Variants in PTPRT observed in about 807,000 individuals in gnomAD.
PTPRT encodes the protein receptor-type tyrosine-protein phosphatase T.
PTPRT carries 56 observed loss-of-function variants against 176.8 expected under a neutral mutation model. The ratio of observed to expected loss-of-function variants is 0.32; its 90% CI spans 0.26 to 0.40. The LOEUF (loss-of-function observed/expected upper bound fraction) is 0.40, where lower values mean the gene tolerates loss of function less well. PTPRT is among the 10% of genes least tolerant of loss of function. The pLI is 1.00. For missense variants in PTPRT, 1,540 were observed against 1,908.2 expected (o/e 0.81, Z 3.60); for synonymous variants, 783 against 739.0 (o/e 1.06, Z -0.96).
At chr20:42,557,247 A>AG (rs1440286667) in intron 7 of PTPRT, among the ~76,000 whole-genome samples, 1 of 152,148 alleles carries the variant, frequency 6.6e-6, no homozygotes, top group Non-Finnish European at 1.5e-5. Flanking sequence ...TTATTATTCT[A>AG]GACCCTAGGA....
At chr20:42,910,226 C>T (rs2079527512) in intron 1 of PTPRT, among the ~76,000 whole-genome samples, 1 of 152,112 alleles carries the variant, frequency 6.6e-6, no homozygotes, top group Admixed American at 6.5e-5. Flanking sequence ...CAAGAATCAC[C>T]CTGATTTCCT....
intron 6 of PTPRT, among the ~76,000 whole-genome samples, chr20:42,714,546 C>T (rs988307214): frequency 6.6e-6 from 1 of 152,204 alleles, no homozygotes; most frequent in Non-Finnish European, 1.5e-5. Context: ...ATGACAAACA[C>T]GTCCACATCT....
chr20:42,052,863 G>T, the PTPRT span, among the ~76,000 whole-genome samples: 1 of 152,180 alleles, frequency 6.6e-6, no homozygotes, highest in East Asian at 1.9e-4. Context: ...GATGAGGCCC[G>T]TGTCGGTGGC....
At chr20:42,368,937 T>G (rs2058550715) in intron 9 of PTPRT, among the ~76,000 whole-genome samples, 1 of 152,176 alleles carries the variant, frequency 6.6e-6, no homozygotes. Context: ...GCCTAGCCTG[T>G]GTGTGAGGGG....
At chr20:43,109,805 C>T (rs2012782870) in intron 1 of PTPRT, among the ~76,000 whole-genome samples, 1 of 152,090 alleles carries the variant, frequency 6.6e-6, no homozygotes, top group Non-Finnish European at 1.5e-5. Context: ...AGAAACAGCA[C>T]TCCAAGCAAA....
At chr20:42,050,844 G>A in the PTPRT span, among the ~76,000 whole-genome samples, 1 of 152,160 alleles carries the variant, frequency 6.6e-6, no homozygotes, top group African/African-American at 2.4e-5. Context: ...GTGCCCCTGA[G>A]AGGGACCCAC....
At chr20:43,027,817 C>T (rs1319913080) in intron 1 of PTPRT, among the ~76,000 whole-genome samples, 3 of 152,164 alleles carry the variant, frequency 2.0e-5, no homozygotes, top group East Asian at 1.9e-4. Flanking sequence ...CTACACAGCA[C>T]CGACAGCATT....
chr20:43,137,912 G>C (rs980087246), intron 1 of PTPRT, among the ~76,000 whole-genome samples: 1 of 152,226 alleles, frequency 6.6e-6, no homozygotes, highest in Non-Finnish European at 1.5e-5. Flanking sequence ...AGAAGACCAA[G>C]AGGTATGGGA....
intron 9 of PTPRT, among the ~76,000 whole-genome samples, chr20:42,443,974 C>A (rs1056403230): frequency 6.6e-5 from 10 of 152,194 alleles, no homozygotes; most frequent in Non-Finnish European, 1.3e-4. Context: ...CACACAACAG[C>A]TGGATGACCT....
At position 42,817,363 on chromosome 20, in the gene PTPRT, G is replaced by T. The variant is rs1045861204; in HGVS notation, c.215-25897C>A. On this transcript the variant is annotated intron_variant, in intron 2 of 30. Coordinates refer to ENST00000373187, the MANE Select transcript of PTPRT (RefSeq NM_007050.6). ...TTATTTGACATCTTAATCATGTTTG[G>T]TTTTTTTTTTTTTTTTGGTTTAACA... Among the ~76,000 whole-genome samples the T allele has an allele frequency of 2.5e-4, 34 of 138,068 alleles. No homozygotes were observed. The East Asian group carries it at 3.2e-3, about 13-fold the overall frequency. The allele number at this position is 138,068 out of a possible 152,430, so 90.6% of individuals were successfully genotyped here.
chr20:42,104,659 G>A lies in PTPRT; in HGVS notation c.3450C>T (p.Ala1150=), dbSNP rs373495948. The A allele has an allele frequency of 1.3e-6, 2 of 1,597,026 alleles. No homozygotes were observed. The highest frequency in any genetic ancestry group is 1.7e-6 in the Non-Finnish European group (2 of 1,164,436). The part of the protein sequence containing the change: ...ILEACLCGNT[A]IPVCEFRSLY... ...GAGAACGGAACTCACACACAGGGAT[G>A]GCAGTGTTGCCACAGAGGCACGCTT... The change falls in exon 25 of 31, where the codon GCC becomes GCT. Residue 1150 remains alanine, a synonymous_variant. Coordinates refer to ENST00000373187, the MANE Select transcript of PTPRT (RefSeq NM_007050.6).
chr20:42,097,455 G>C (rs1985377058), intron 27 of PTPRT, among the ~76,000 whole-genome samples: 1 of 152,140 alleles, frequency 6.6e-6, no homozygotes, highest in Non-Finnish European at 1.5e-5. Flanking sequence ...CTTCTTCAAG[G>C]CCAAAGTCAC....
chr20:42,598,688 C>T (rs1389374475), intron 7 of PTPRT, among the ~76,000 whole-genome samples: 4 of 149,522 alleles, frequency 2.7e-5, no homozygotes, highest in African/African-American at 7.6e-5. Flanking sequence ...AGGAACCATA[C>T]ATAGGGAAAA....
At chr20:42,510,713 C>T (rs1385041543) in intron 7 of PTPRT, among the ~76,000 whole-genome samples, 1 of 152,114 alleles carries the variant, frequency 6.6e-6, no homozygotes, top group African/African-American at 2.4e-5. Context: ...GTAACAGAAC[C>T]GTGGAGTCCT....
intron 7 of PTPRT, among the ~76,000 whole-genome samples, chr20:42,595,734 G>A (rs542870595): frequency 3.9e-5 from 6 of 152,246 alleles, no homozygotes; most frequent in South Asian, 2.1e-4. Context: ...AACAGAGCAG[G>A]CTGCCTTCTC....
Position 42,569,081 on chromosome 20 carries a change from AATATATATATATATAT to A in PTPRT, c.1154-96535_1154-96520del, listed in dbSNP as rs71335569. Among the ~76,000 whole-genome samples the A allele has an allele frequency of 6.2e-4, 19 of 30,810 alleles. 1 individual carries two copies. The South Asian group carries it at 0.019, about 30-fold the overall frequency. 20.2% of individuals were successfully genotyped at this position (30,810 alleles called of 152,430 possible). The stretch of plus-strand genomic sequence containing the variant: ...AAAAAAAAAAAAAAAAAAAAAAAAA[AATATATATATATATAT>A]ATATATATATATATAATTTCAACTT... On this transcript the variant is annotated intron_variant, in intron 7 of 30. Coordinates refer to ENST00000373187, the MANE Select transcript of PTPRT (RefSeq NM_007050.6).
intron 7 of PTPRT, among the ~76,000 whole-genome samples, chr20:42,534,215 T>C (rs937010068): frequency 2.0e-5 from 3 of 152,228 alleles, no homozygotes; most frequent in Non-Finnish European, 2.9e-5. Flanking sequence ...ATTGCCTTCA[T>C]TGGGAGCTTT....
chr20:42,759,677 C>T (rs1299646339), intron 5 of PTPRT, among the ~76,000 whole-genome samples: 1 of 152,174 alleles, frequency 6.6e-6, no homozygotes, highest in Admixed American at 6.5e-5. Flanking sequence ...CTTGGCTTCT[C>T]GGAAATTTTC....
At chr20:42,203,134 T>C (rs1991518612) in intron 15 of PTPRT, among the ~76,000 whole-genome samples, 1 of 152,182 alleles carries the variant, frequency 6.6e-6, no homozygotes, top group African/African-American at 2.4e-5. Flanking sequence ...TTATGGCAAT[T>C]GGCAAAGACA....
Sources: gnomAD v4.1 joint callset for allele counts (sites outside exome capture counted in the v4.1 genomes callset) on GRCh38, gnomAD v4.1.1 for gene constraint, MANE v1.5 for transcripts, NCBI Gene and HGNC (gene_info 2026-07-23, HGNC 2026-07-21) for gene names.